The following FGF6 variants were observed in gnomAD, a reference collection of about 807,000 sequenced individuals.
The protein encoded by FGF6 is FGF-6.
FGF6 carries 14 observed loss-of-function variants against 18.4 expected under a neutral mutation model. The ratio of observed to expected loss-of-function variants is 0.76; its 90% CI spans 0.50 to 1.19. The LOEUF is 1.19. FGF6 is among the 50% of genes most tolerant of loss of function. The pLI, the probability that FGF6 is intolerant of heterozygous loss-of-function variation, is 0.00. For missense variants in FGF6, 266 were observed against 271.6 expected, an observed-to-expected ratio of 0.98 and a Z score of 0.15; for synonymous variants, 125 against 116.7, an observed-to-expected ratio of 1.07 and a Z score of -0.46.
intron 2 of FGF6, among the ~76,000 whole-genome samples, chr12:4,442,977 G>C (rs1865710133): frequency 6.6e-6 from 1 of 152,198 alleles, no homozygotes. Flanking sequence ...GAATCTCCTA[G>C]GTAGGTACCT....
intron 1 of FGF6, among the ~76,000 whole-genome samples, chr12:4,444,467 A>G (rs1865732922): frequency 6.6e-6 from 1 of 152,220 alleles, no homozygotes; most frequent in Non-Finnish European, 1.5e-5. Context: ...TAGCAGAGTT[A>G]GGGGCTGCAG....
chr12:4,444,039 G>A, intron 2 of FGF6, 94 bp downstream of exon 2: 1 of 778,542 alleles, frequency 1.3e-6, no homozygotes, highest in Non-Finnish European at 2.1e-6. Flanking sequence ...CATTTAGATA[G>A]TCACTTCTCT....
chr12:4,438,990 T>C (rs1865656282), intron 2 of FGF6, among the ~76,000 whole-genome samples: 1 of 152,214 alleles, frequency 6.6e-6, no homozygotes, highest in African/African-American at 2.4e-5. Flanking sequence ...GTGCGTTAGC[T>C]ATTTCTGGAA....
At chr12:4,441,725 G>A (rs939630324) in intron 2 of FGF6, among the ~76,000 whole-genome samples, 7 of 152,114 alleles carry the variant, frequency 4.6e-5, no homozygotes, top group African/African-American at 1.4e-4. Flanking sequence ...CCCATGAACT[G>A]GCAGTAGCAG....
intron 2 of FGF6, among the ~76,000 whole-genome samples, chr12:4,436,494 G>A (rs889164052): frequency 1.8e-4 from 27 of 151,140 alleles, no homozygotes; most frequent in African/African-American, 6.1e-4. Flanking sequence ...GTATGATGGC[G>A]CATGCCTGTA....
At position 4,445,536 on chromosome 12, in the gene FGF6, G is replaced by A; in HGVS notation, c.35C>T (p.Ser12Phe). 6.2e-7 allele frequency: 1 copy of A among 1,607,876 alleles called. No individual in the cohort carries two copies. The highest frequency in any genetic ancestry group is 8.5e-7 in the Non-Finnish European group (1 of 1,177,404). Reference sequence around the variant, plus strand: ...GCCCTGCAGACGTCCTGCTCCCCGGGACATAGTGATGAACAGTTTCTGTCC... The same window carrying A: ...GCCCTGCAGACGTCCTGCTCCCCGGAACATAGTGATGAACAGTTTCTGTCC... Reference protein sequence around the residue: ...ALGQKLFITMSRGAGRLQGTL... With the variant: ...ALGQKLFITMFRGAGRLQGTL... The change falls in exon 1 of 3, where the codon TCC becomes TTC. Residue 12 changes from serine (S) to phenylalanine (F), a missense_variant. Coordinates refer to ENST00000228837, the MANE Select transcript of FGF6 (RefSeq NM_020996.3). This position sits in a 1 kb window ranked among gnomAD's most constrained non-coding sequence, Gnocchi z 5.5.
chr12:4,436,209 G>A (rs1158849102), intron 2 of FGF6, among the ~76,000 whole-genome samples: 1 of 152,140 alleles, frequency 6.6e-6, no homozygotes, highest in Admixed American at 6.6e-5. Flanking sequence ...AGCCCTTTCA[G>A]TGGACCTCTC....
At chr12:4,434,491 C>T in intron 2 of FGF6, 100 bp from the exon 3 acceptor site, 4 of 1,087,382 alleles carry the variant, frequency 3.7e-6, no homozygotes, top group East Asian at 4.7e-5. Context: ...GCCAGGTGCC[C>T]TTCCCTTCTC....
At chr12:4,440,371 A>T (rs1343468937) in intron 2 of FGF6, among the ~76,000 whole-genome samples, 1 of 152,170 alleles carries the variant, frequency 6.6e-6, no homozygotes, top group Non-Finnish European at 1.5e-5. Flanking sequence ...ACCAACGAGG[A>T]TCTAATCCTG....
intron 2 of FGF6, among the ~76,000 whole-genome samples, chr12:4,437,651 A>G (rs1382904001): frequency 6.6e-6 from 1 of 152,214 alleles, no homozygotes; most frequent in Non-Finnish European, 1.5e-5. Context: ...AGATCCCAAC[A>G]CATACATGGA....
chr12:4,436,785 G>A (rs1354596558), intron 2 of FGF6, among the ~76,000 whole-genome samples: 1 of 152,180 alleles, frequency 6.6e-6, no homozygotes, highest in Non-Finnish European at 1.5e-5. Flanking sequence ...CATGCTTGCA[G>A]CTTATTTACA....
intron 2 of FGF6, among the ~76,000 whole-genome samples, chr12:4,436,698 A>T (rs1220236878): frequency 1.3e-5 from 2 of 152,194 alleles, no homozygotes; most frequent in Admixed American, 1.3e-4. Context: ...ATGTGATGTG[A>T]GCGTGGGTGA....
rs1403456293 is a variant in FGF6, at chr12:4,441,384, C to G, written c.450+2749G>C. ...TGGCTGGACGTGTGACCCTGGAGAC[C>G]GGGTGTCCGCAGCTGCACAGGGAGG... On this transcript the variant is annotated intron_variant, in intron 2 of 2. Transcript: ENST00000228837. Among the ~76,000 whole-genome samples, 7 of 152,156 alleles carry G rather than the reference C, an allele frequency of 4.6e-5. No homozygotes were observed. In the East Asian group the frequency reaches 1.3e-3, roughly 29 times the overall value.
chr12:4,439,137 T>C (rs1008229928), intron 2 of FGF6, among the ~76,000 whole-genome samples: 1 of 152,180 alleles, frequency 6.6e-6, no homozygotes, highest in Non-Finnish European at 1.5e-5. Flanking sequence ...TGTTCCTGTG[T>C]TACCTAGTCA....
At position 4,445,307 on chromosome 12, in the gene FGF6, G is replaced by A; in HGVS notation, c.264C>T (p.Leu88=). The A allele has an allele frequency of 6.2e-7, 1 of 1,614,114 alleles. No individual in the cohort carries two copies. Among genetic ancestry groups the A allele is most frequent in the Non-Finnish European group, 8.5e-7 (1 of 1,180,032 alleles). Residue 88 remains leucine (L), a synonymous_variant, in exon 1 of 3, where the codon CTC becomes CTT. Coordinates refer to ENST00000228837, the MANE Select transcript of FGF6 (RefSeq NM_020996.3). The surrounding 1 kb of genome is among the most constrained non-coding windows in gnomAD (Gnocchi z 5.5). ...YLVGIKRQRR[L]YCNVGIGFHL... ...GAAAGCCGATGCCCACGTTGCAGTA[G>A]AGCCTCCGCTGCCGCTTGATCCCCA...
At chr12:4,435,096 G>A (rs1865612453) in intron 2 of FGF6, among the ~76,000 whole-genome samples, 2 of 151,998 alleles carry the variant, frequency 1.3e-5, no homozygotes, top group South Asian at 4.2e-4. Context: ...CCCATTCTCA[G>A]TTTTGACTTT....
intron 2 of FGF6, among the ~76,000 whole-genome samples, chr12:4,443,387 A>T (rs1365442593): frequency 6.6e-6 from 1 of 152,172 alleles, no homozygotes; most frequent in Non-Finnish European, 1.5e-5. Context: ...CTTCAGCCTC[A>T]TCGGGATGTT....
At position 4,434,309 on chromosome 12, in the gene FGF6, C is replaced by T; in HGVS notation, c.533G>A (p.Gly178Glu). ...GTATTTGCTCAGGGCAATGTAGGTC[C>T]CTTGGTACAAGTCTGACTCGTAGGC... ...YNAYESDLYQ[G>E]TYIALSKYGR... Residue 178 changes from glycine to glutamate, a missense_variant, in exon 3 of 3, where the codon GGG becomes GAG. By Grantham distance (98) the Gly-to-Glu change is moderately conservative (BLOSUM62 -2). Transcript: ENST00000228837. 6.2e-7 allele frequency: 1 copy of T among 1,614,102 alleles called. No individual in the cohort carries two copies. Among genetic ancestry groups the T allele is most frequent in the Non-Finnish European group, 8.5e-7 (1 of 1,180,026 alleles).
chr12:4,444,574 G>T (rs1278248613), intron 1 of FGF6, among the ~76,000 whole-genome samples: 1 of 152,068 alleles, frequency 6.6e-6, no homozygotes, highest in Non-Finnish European at 1.5e-5. Flanking sequence ...AATAAATTCT[G>T]ATTCTTCTTC....
Sources: gnomAD v4.1 joint callset for allele counts (sites outside exome capture counted in the v4.1 genomes callset) on GRCh38, gnomAD v4.1.1 for gene constraint, Gnocchi (gnomAD v3.1) non-coding constraint, MANE v1.5 for transcripts, NCBI Gene and HGNC (gene_info 2026-07-23, HGNC 2026-07-21) for gene names.